The following ZNF90 variants were observed in gnomAD, a reference collection of about 807,000 sequenced individuals.
ZNF90 encodes the protein zinc finger protein HTF9.
Under a neutral mutation model 12.0 loss-of-function variants are expected in ZNF90, and 11 were observed. The ratio of observed to expected loss-of-function variants is 0.92; its 90% CI spans 0.58 to 1.52. The LOEUF (loss-of-function observed/expected upper bound fraction) is 1.52, where lower values mean the gene tolerates loss of function less well. Ranked by LOEUF, ZNF90 falls within the 40% of genes most tolerant of loss-of-function variation. The pLI is 0.00. For synonymous variants in ZNF90, 232 were observed against 240.1 expected (o/e 0.97, Z 0.31); for missense variants, 765 against 711.5 (o/e 1.08, Z -0.86).
At chr19:20,100,583 G>T (rs536164355) in intron 1 of ZNF90, among the ~76,000 whole-genome samples, 1 of 152,210 alleles carries the variant, frequency 6.6e-6, no homozygotes, top group South Asian at 2.1e-4. Flanking sequence ...CCCTCCCCAG[G>T]AAATCTCAAC....
intron 1 of ZNF90, among the ~76,000 whole-genome samples, chr19:20,084,032 G>A (rs1335028677): frequency 3.3e-5 from 5 of 151,662 alleles, no homozygotes; most frequent in Non-Finnish European, 7.4e-5. Context: ...CTGGGAGGAC[G>A]GGCATGAGCC....
intron 3 of ZNF90, among the ~76,000 whole-genome samples, chr19:20,112,626 G>A (rs117611239): frequency 0.034 from 5,116 of 152,192 alleles, 131 homozygotes; most frequent in Non-Finnish European, 0.051. Context: ...ACAACCTCTT[G>A]TAGTACATCT....
chr19:20,082,475 C>T (rs1057089615), intron 1 of ZNF90, among the ~76,000 whole-genome samples: 1 of 152,178 alleles, frequency 6.6e-6, no homozygotes, highest in African/African-American at 2.4e-5. Flanking sequence ...CTACCCGCTA[C>T]CCTGTGCTTG....
chr19:20,080,277 G>A (rs1020658405), intron 1 of ZNF90: 6 of 572,572 alleles, frequency 1.0e-5, no homozygotes, highest in Middle Eastern at 4.8e-4. Flanking sequence ...GGACTAGCTC[G>A]TTATTAGATG....
intron 1 of ZNF90, among the ~76,000 whole-genome samples, chr19:20,089,522 AG>A (rs1430535604): frequency 1.3e-5 from 2 of 152,210 alleles, no homozygotes; most frequent in African/African-American, 2.4e-5. Context: ...AAGATTACCT[AG>A]GGGAATTCCA....
intron 1 of ZNF90, among the ~76,000 whole-genome samples, chr19:20,088,429 A>G (rs2088877156): frequency 6.6e-6 from 1 of 152,202 alleles, no homozygotes; most frequent in Admixed American, 6.5e-5. Flanking sequence ...AGAAGATACA[A>G]GGTTCAAATA....
chr19:20,110,897 GGTT>G lies in ZNF90; in HGVS notation c.226+5585_226+5587del, dbSNP rs2089083220. On this transcript the variant is annotated intron_variant, in intron 3 of 3. Transcript: ENST00000418063. ...TTCACCTTTATTGTTTAGTTTTAAG[GGTT>G]GTTTATATATTTTGAATATTAACTT... is the stretch of plus-strand genomic sequence containing the variant. Among the ~76,000 whole-genome samples the G allele has an allele frequency of 2.6e-5, 4 of 151,944 alleles. No homozygotes were observed. The South Asian group carries it at 8.3e-4, about 32-fold the overall frequency.
Position 20,117,793 on chromosome 19 carries a change from A to G in ZNF90, c.239A>G (p.His80Arg). Reference sequence around the variant, plus strand: ...TTGTTTCTTTCAGTTATGTGTTTTCATTTTGCCCAAGACCTTTGTCCAGAG... The same window carrying G: ...TTGTTTCTTTCAGTTATGTGTTTTCGTTTTGCCCAAGACCTTTGTCCAGAG... Reference protein sequence around the residue: ...MIAKSPVMCFHFAQDLCPEQS... With the variant: ...MIAKSPVMCFRFAQDLCPEQS... The change falls in exon 4 of 4, where the codon CAT becomes CGT. Residue 80 changes from histidine to arginine, a missense_variant. His to Arg is a conservative substitution (Grantham distance 29). Coordinates refer to ENST00000418063, the MANE Select transcript of ZNF90 (RefSeq NM_007138.2). 2.0e-6 allele frequency: 3 copies of G among 1,526,042 alleles called. No homozygotes were observed. The highest frequency in any genetic ancestry group is 2.6e-6 in the Non-Finnish European group (3 of 1,142,594). The allele number at this position is 1,526,042 out of a possible 1,614,324, so 94.5% of individuals were successfully genotyped here.
At chr19:20,081,425 G>T (rs2088818653) in intron 1 of ZNF90, among the ~76,000 whole-genome samples, 2 of 152,068 alleles carry the variant, frequency 1.3e-5, no homozygotes, top group Admixed American at 6.6e-5. Flanking sequence ...CTGACCTCAT[G>T]ATCCACCCAC....
rs782764185 is a variant in ZNF90 at position 20,104,378 on chromosome 19, G to T, written c.130+13G>T. 57 of 1,605,986 alleles carry T rather than the reference G, an allele frequency of 3.5e-5. No homozygotes were observed. The Middle Eastern group carries it at 5.0e-4, about 14-fold the overall frequency. On this transcript the variant is annotated intron_variant, in intron 2 of 3. Transcript: ENST00000418063. ...CTGGTCTTCCTTGGTGAGGATAAGT[G>T]GAATACATAATTCATAATATACCCT...
chr19:20,112,104 G>A (rs1053442772), intron 3 of ZNF90, among the ~76,000 whole-genome samples: 4 of 151,824 alleles, frequency 2.6e-5, no homozygotes, highest in African/African-American at 4.8e-5. Flanking sequence ...TGATTCACCC[G>A]CCTCATCCTC....
At chr19:20,091,770 C>A (rs956106305) in intron 1 of ZNF90, among the ~76,000 whole-genome samples, 1 of 152,208 alleles carries the variant, frequency 6.6e-6, no homozygotes, top group Non-Finnish European at 1.5e-5. Context: ...GCCCATATGA[C>A]TGCATGGTGC....
At chr19:20,114,064 G>A (rs374014130) in intron 3 of ZNF90, among the ~76,000 whole-genome samples, 3 of 152,074 alleles carry the variant, frequency 2.0e-5, no homozygotes, top group African/African-American at 4.8e-5. Context: ...AGGCTGAGGC[G>A]GGCAGATCAC....
chr19:20,117,919 AG>A lies in ZNF90; in HGVS notation c.368del (p.Gly123ValfsTer15), dbSNP rs565679240. ...ELKKGCESVD[E>X]GKVHKRGYNG... is the part of the protein sequence containing the mutation. ...AAAAAAGGTTGTGAAAGTGTGGATG[AG>A]GGTAAAGTACACAAAAGAGGTTATA... On this transcript the variant is annotated frameshift_variant, in exon 4 of 4. Coordinates refer to ENST00000418063, the MANE Select transcript of ZNF90 (RefSeq NM_007138.2). LOFTEE classifies it low-confidence loss of function (END_TRUNC). 2 of 1,613,110 alleles carry A rather than the reference AG, an allele frequency of 1.2e-6. No individual in the cohort carries two copies. The highest frequency in any genetic ancestry group is 8.5e-7 in the Non-Finnish European group (1 of 1,179,674).
chr19:20,084,133 A>G (rs1190055422), intron 1 of ZNF90, among the ~76,000 whole-genome samples: 2 of 151,326 alleles, frequency 1.3e-5, no homozygotes, highest in Non-Finnish European at 1.5e-5. Flanking sequence ...GGCTCACTGC[A>G]AACTCCACCT....
rs781978100 is a variant in ZNF90, at chr19:20,118,308, A to C, written c.754A>C (p.Thr252Pro). The C allele has an allele frequency of 7.7e-6, 12 of 1,562,418 alleles. No individual in the cohort carries two copies. Among genetic ancestry groups the C allele is most frequent in the Non-Finnish European group, 9.5e-6 (11 of 1,152,858 alleles). ...CCTTACTGCACATAAGAGAATTCAT[A>C]CTGGAGAGAAACGGTACAAATGTGA... ...STLTAHKRIH[T>P]GEKRYKCEDC... The change falls in exon 4 of 4, where the codon ACT (threonine) becomes CCT (proline). Residue 252 changes from threonine (T) to proline (P), a missense_variant. Physicochemically the swap from Thr to Pro is conservative, Grantham distance 38. Coordinates refer to ENST00000418063, the MANE Select transcript of ZNF90 (RefSeq NM_007138.2).
chr19:20,095,444 A>G (rs2088936075), intron 1 of ZNF90, among the ~76,000 whole-genome samples: 2 of 151,904 alleles, frequency 1.3e-5, no homozygotes, highest in Non-Finnish European at 2.9e-5. Context: ...GCTAAAGGAG[A>G]AGGAGGAATG....
chr19:20,114,394 C>A (rs781806996), intron 3 of ZNF90, among the ~76,000 whole-genome samples: 9 of 152,172 alleles, frequency 5.9e-5, no homozygotes, highest in Non-Finnish European at 1.3e-4. Context: ...ACACATTAAA[C>A]AACTACCAAT....
chr19:20,108,731 CTTTTTTTTT>C (rs10626180), intron 3 of ZNF90, among the ~76,000 whole-genome samples: 1 of 119,976 alleles, frequency 8.3e-6, no homozygotes, highest in Admixed American at 9.5e-5. Flanking sequence ...GTAGGTTTCT[CTTTTTTTTT>C]TTTTTTTTTG....
Sources: gnomAD v4.1 joint callset for allele counts (sites outside exome capture counted in the v4.1 genomes callset) on GRCh38, gnomAD v4.1.1 for gene constraint, MANE v1.5 for transcripts, NCBI Gene and HGNC (gene_info 2026-07-23, HGNC 2026-07-21) for gene names.